RELN: variants seen among roughly 807,000 people sequenced by gnomAD.
RELN encodes the protein reelin.
RELN carries 108 observed loss-of-function variants against 427.6 expected under a neutral mutation model. That is an observed-to-expected ratio of 0.25 (90% CI 0.22 to 0.30). The LOEUF (loss-of-function observed/expected upper bound fraction) is 0.30. Ranked by LOEUF, RELN falls within the 10% of genes least tolerant of loss-of-function variation. The pLI, the probability that RELN is intolerant of heterozygous loss-of-function variation, is 1.00. For missense variants in RELN, 3,715 were observed against 4,302.8 expected (o/e 0.86, Z 3.82); for synonymous variants, 1,524 against 1,513.4 (o/e 1.01, Z -0.16).
chr7:103,565,631 T>C, intron 33 of RELN, 80 bp from the exon 34 acceptor site: 1 of 1,393,658 alleles, frequency 7.2e-7, no homozygotes. Flanking sequence ...ATAAACATCT[T>C]CAATAGCAAA....
Position 103,558,025 on chromosome 7 carries a change from T to C in RELN, c.5554A>G (p.Arg1852Gly), listed in dbSNP as rs1200332160. The C allele has an allele frequency of 2.6e-6, 4 of 1,528,844 alleles. No individual in the cohort carries two copies. Among genetic ancestry groups the C allele is most frequent in the East Asian group, 2.3e-5 (1 of 44,336 alleles). The allele number at this position is 1,528,844 out of a possible 1,614,324, so 94.7% of individuals were successfully genotyped here. Residue 1852 changes from arginine (R) to glycine (G), a missense_variant, in exon 37 of 65, where the codon AGA (arginine) becomes GGA (glycine). Arg to Gly is a moderately radical substitution (Grantham distance 125). This residue lies in a region of RELN where 2,208 missense variants were observed against 2,361.7 expected (regional missense o/e 0.93). Coordinates refer to ENST00000428762, the MANE Select transcript of RELN (RefSeq NM_005045.4). The stretch of plus-strand genomic sequence containing the variant: ...ATTGTATTTGTACAATCTAGATCTC[T>C]TGAAATAAGCATCCTTAGTCCTTCC... Reference protein sequence around the residue: ...KGEGLRMLISRDLDCTNTMYV... With the variant: ...KGEGLRMLISGDLDCTNTMYV...
At chr7:103,861,490 C>T (rs192131320) in intron 2 of RELN, among the ~76,000 whole-genome samples, 33 of 152,214 alleles carry the variant, frequency 2.2e-4, no homozygotes, top group South Asian at 1.9e-3. Context: ...GAGAGTGGCA[C>T]GCTGCCTGAC....
At chr7:103,872,026 A>ATT (rs201501048) in intron 2 of RELN, among the ~76,000 whole-genome samples, 963 of 88,134 alleles carry the variant, frequency 0.011, 11 homozygotes, top group African/African-American at 0.032. Context: ...ATATATATAT[A>ATT]TATATTTTTC....
intron 60 of RELN, among the ~76,000 whole-genome samples, chr7:103,489,203 G>GGTGT (rs3051647): frequency 0.12 from 18,050 of 147,798 alleles, 1,363 homozygotes; most frequent in East Asian, 0.25. Flanking sequence ...GTCATAAAGG[G>GGTGT]GTGTGTGTGT....
chr7:103,944,194 AAATT>A (rs540457997), intron 1 of RELN, among the ~76,000 whole-genome samples: 11 of 152,332 alleles, frequency 7.2e-5, no homozygotes, highest in Non-Finnish European at 1.2e-4. Flanking sequence ...ATTAATAAAG[AAATT>A]AATTAATAAA....
chr7:103,938,163 A>C (rs558003032), intron 1 of RELN, among the ~76,000 whole-genome samples: 1 of 152,204 alleles, frequency 6.6e-6, no homozygotes, highest in Admixed American at 6.5e-5. Flanking sequence ...TCTACTAAAA[A>C]TACAAAAATT....
chr7:103,763,357 G>A (rs1320039980), intron 4 of RELN, among the ~76,000 whole-genome samples: 3 of 152,168 alleles, frequency 2.0e-5, no homozygotes, highest in African/African-American at 4.8e-5. Context: ...TTGAGTGCCT[G>A]CTAAGTGTCA....
rs952728057 is a variant in RELN at position 103,472,641 on chromosome 7, T to A, written c.*171A>T. On this transcript the variant is annotated 3_prime_UTR_variant, in exon 65 of 65. Transcript: ENST00000428762. Reference sequence around the variant, plus strand: ...TACTTATGAGCAAATAAGTCACTTGTCATTAGTTCACAGTGTGGGAAAGTG... The same window carrying A: ...TACTTATGAGCAAATAAGTCACTTGACATTAGTTCACAGTGTGGGAAAGTG... 3.2e-6 allele frequency: 2 copies of A among 618,770 alleles called. No individual in the cohort carries two copies. Among genetic ancestry groups the A allele is most frequent in the East Asian group, 5.6e-5 (2 of 35,512 alleles). 38.3% of individuals were successfully genotyped at this position (618,770 alleles called of 1,614,324 possible). A position where few individuals can be genotyped will look rare whatever the true frequency, so the allele number is the denominator to read the frequency against.
In RELN at chr7:103,989,003, C is replaced by A; in HGVS notation, c.226+128G>T. The A allele has an allele frequency of 1.2e-6, 1 of 805,002 alleles. No homozygotes were observed. Among genetic ancestry groups the A allele is most frequent in the Admixed American group, 2.2e-5 (1 of 46,408 alleles). The allele number at this position is 805,002 out of a possible 1,614,324, so 49.9% of individuals were successfully genotyped here. A position where few individuals can be genotyped will look rare whatever the true frequency, so the allele number is the denominator to read the frequency against. ...CTTTATTCTCGCTCCCTGGACCAAG[C>A]GCATCGCTGGGGCCAGGGTTGTCAT... On this transcript the variant is annotated intron_variant, in intron 1 of 64. Transcript: ENST00000428762. The surrounding 1 kb of genome is among the most constrained non-coding windows in gnomAD (Gnocchi z 4.9).
In RELN at chr7:103,516,205, C is replaced by T. The variant is rs980475848; in HGVS notation, c.7863-764G>A. Among the ~76,000 whole-genome samples, 41 of 151,968 alleles carry T rather than the reference C, an allele frequency of 2.7e-4. 1 individual carries two copies. The highest frequency in any genetic ancestry group is 2.5e-3 in the Admixed American group (38 of 15,250). On this transcript the variant is annotated intron_variant, in intron 49 of 64. Transcript: ENST00000428762. Reference sequence around the variant, plus strand: ...CATGAAAACCCAGGAACATATCAACCTCTTGAATTTATATTCATAACTCAT... The same window carrying T: ...CATGAAAACCCAGGAACATATCAACTTCTTGAATTTATATTCATAACTCAT...
intron 63 of RELN, among the ~76,000 whole-genome samples, chr7:103,481,085 C>G (rs1828216517): frequency 6.6e-6 from 1 of 152,204 alleles, no homozygotes; most frequent in Non-Finnish European, 1.5e-5. Flanking sequence ...TGACAGGGAG[C>G]AAGGAATAGA....
intron 20 of RELN, among the ~76,000 whole-genome samples, chr7:103,627,261 G>C (rs1366190103): frequency 6.6e-6 from 1 of 152,074 alleles, no homozygotes; most frequent in African/African-American, 2.4e-5. Context: ...TACTTAATAA[G>C]ACAATATGCT....
intron 1 of RELN, among the ~76,000 whole-genome samples, chr7:103,921,731 C>T (rs1345609276): frequency 1.3e-5 from 2 of 152,134 alleles, no homozygotes; most frequent in African/African-American, 2.4e-5. Flanking sequence ...TAACTAGTCC[C>T]TCCAGTCAAA....
intron 17 of RELN, among the ~76,000 whole-genome samples, chr7:103,639,402 CT>C (rs200310506): frequency 0.036 from 5,011 of 141,144 alleles, 104 homozygotes; most frequent in East Asian, 0.13. Context: ...CTTTTTCTCT[CT>C]TTTTTTTTTT....
chr7:103,541,256 T>A (rs1042016917), intron 43 of RELN, among the ~76,000 whole-genome samples: 7 of 152,168 alleles, frequency 4.6e-5, no homozygotes, highest in African/African-American at 1.7e-4. Flanking sequence ...TCACATGTTA[T>A]CTTTGGCAGG....
intron 4 of RELN, among the ~76,000 whole-genome samples, chr7:103,771,593 T>A (rs77502392): frequency 1.3e-5 from 2 of 152,264 alleles, no homozygotes; most frequent in African/African-American, 4.8e-5. Context: ...TTGATTATCT[T>A]TTCTTCCAAA....
At chr7:103,484,792 C>T (rs1336020263) in intron 61 of RELN, among the ~76,000 whole-genome samples, 1 of 152,100 alleles carries the variant, frequency 6.6e-6, no homozygotes. Context: ...TGGAATACAA[C>T]CACAATATTT....
chr7:103,737,406 C>G (rs1790521377), intron 6 of RELN, among the ~76,000 whole-genome samples: 3 of 152,184 alleles, frequency 2.0e-5, no homozygotes, highest in South Asian at 2.1e-4. Context: ...AGAAAATCCA[C>G]TTATATTGTA....
chr7:103,600,882 T>C (rs1173426012), intron 24 of RELN, among the ~76,000 whole-genome samples: 2 of 152,200 alleles, frequency 1.3e-5, no homozygotes, highest in African/African-American at 4.8e-5. Context: ...ACCTAACACA[T>C]ATGATCTCTT....
Sources: gnomAD v4.1 joint callset for allele counts (sites outside exome capture counted in the v4.1 genomes callset) on GRCh38, gnomAD v4.1.1 for gene constraint, gnomAD v4.1.1 regional missense constraint, Gnocchi (gnomAD v3.1) non-coding constraint, MANE v1.5 for transcripts, NCBI Gene and HGNC (gene_info 2026-07-23, HGNC 2026-07-21) for gene names.